Variants in MCPH1 observed in about 807,000 individuals in gnomAD.
MCPH1 encodes the protein microcephalin.
Under a neutral mutation model 84.5 loss-of-function variants are expected in MCPH1, and 104 were observed. The observed-to-expected ratio is 1.23, with a 90% CI of 1.05 to 1.45. MCPH1 has a LOEUF of 1.45. MCPH1 is among the 40% of genes most tolerant of loss of function. MCPH1 has a pLI of 0.00. For missense variants in MCPH1, 1,498 were observed against 1,005.7 expected, an observed-to-expected ratio of 1.49 and a Z score of -6.62; for synonymous variants, 514 against 366.8, an observed-to-expected ratio of 1.40 and a Z score of -4.58.
intron 12 of MCPH1, among the ~76,000 whole-genome samples, chr8:6,598,764 G>C: frequency 6.6e-6 from 1 of 152,248 alleles, no homozygotes; most frequent in Non-Finnish European, 1.5e-5. Context: ...GGACTAAGAA[G>C]AGCCCCCTGC....
At position 6,452,348 on chromosome 8, in the gene MCPH1, CAA is replaced by C. The variant is rs200476313; in HGVS notation, c.1826-2793_1826-2792del. 1.2e-3 allele frequency among the ~76,000 whole-genome samples: 182 copies of C among 152,242 alleles called. 3 individuals carry two copies. The East Asian group carries it at 0.029, about 24-fold the overall frequency. On this transcript the variant is annotated intron_variant, in intron 8 of 13. Transcript: ENST00000344683. ...TTGCATTTTGATGGTATTATTAATC[CAA>C]ACTAATTTCCAAATGGTGAAATTTC...
chr8:6,593,786 G>T (rs1039863884), intron 12 of MCPH1, among the ~76,000 whole-genome samples: 1 of 152,170 alleles, frequency 6.6e-6, no homozygotes, highest in Admixed American at 6.5e-5. Flanking sequence ...TTGTCGCATA[G>T]GACTTCTCAA....
chr8:6,593,245 G>A (rs532909297), intron 12 of MCPH1, among the ~76,000 whole-genome samples: 12 of 151,128 alleles, frequency 7.9e-5, no homozygotes, highest in African/African-American at 2.7e-4. Context: ...TACCATGCCC[G>A]GCTAATTTTG....
intron 8 of MCPH1, among the ~76,000 whole-genome samples, chr8:6,450,517 A>AGAT (rs1472046183): frequency 6.7e-6 from 1 of 149,006 alleles, no homozygotes; most frequent in Non-Finnish European, 1.5e-5. Context: ...AACTCATACT[A>AGAT]GATGGTTATG....
intron 12 of MCPH1, among the ~76,000 whole-genome samples, chr8:6,585,696 C>G (rs755893335): frequency 1.3e-5 from 2 of 152,160 alleles, no homozygotes; most frequent in Non-Finnish European, 2.9e-5. Context: ...TCCATATGGC[C>G]CATAGGAAGA....
intron 12 of MCPH1, among the ~76,000 whole-genome samples, chr8:6,599,047 C>A (rs1284034121): frequency 6.6e-6 from 1 of 152,174 alleles, no homozygotes; most frequent in Non-Finnish European, 1.5e-5. Flanking sequence ...AGCGCGAATA[C>A]GGGGCTCTTA....
At chr8:6,530,477 C>G (rs1442635594) in intron 12 of MCPH1, among the ~76,000 whole-genome samples, 3 of 146,582 alleles carry the variant, frequency 2.0e-5, no homozygotes, top group African/African-American at 7.6e-5. Flanking sequence ...CCACTGCACT[C>G]CAACCTGGGC....
intron 9 of MCPH1, among the ~76,000 whole-genome samples, chr8:6,472,311 T>C (rs1036012243): frequency 1.3e-5 from 2 of 152,228 alleles, no homozygotes; most frequent in African/African-American, 4.8e-5. Context: ...GGGCTGGCTA[T>C]CTTTTTTGAT....
intron 12 of MCPH1, among the ~76,000 whole-genome samples, chr8:6,577,482 A>G (rs776623261): frequency 2.6e-5 from 4 of 152,250 alleles, no homozygotes; most frequent in Admixed American, 6.5e-5. Context: ...TGGAACTTCC[A>G]TAATTATTGT....
intron 9 of MCPH1, 116 bp from the exon 10 acceptor site, chr8:6,477,478 A>G (rs1421837220): frequency 1.8e-5 from 16 of 913,684 alleles, no homozygotes; most frequent in Non-Finnish European, 2.6e-5. Context: ...ATATGCTTAA[A>G]TGTTTATTTT....
Position 6,634,346 on chromosome 8 carries a change from A to C in MCPH1, c.2453-8648A>C, listed in dbSNP as rs78286869. On this transcript the variant is annotated intron_variant, in intron 13 of 13. Transcript: ENST00000344683. ...TCGAAACTCATTGACGAGTTTGCCA[A>C]GATTATCGCTAATGAAAATCTGATG... Among the ~76,000 whole-genome samples, 1,211 of 152,354 alleles carry C rather than the reference A, an allele frequency of 7.9e-3. 13 individuals are homozygous for C. Among genetic ancestry groups the C allele is most frequent in the African/African-American group, 0.027 (1,140 of 41,576 alleles).
At chr8:6,495,678 C>G (rs1352898628) in intron 11 of MCPH1, among the ~76,000 whole-genome samples, 1 of 152,120 alleles carries the variant, frequency 6.6e-6, no homozygotes, top group Non-Finnish European at 1.5e-5. Context: ...CCATAAACAC[C>G]TACAACCACA....
Position 6,542,790 on chromosome 8 carries a change from G to A in MCPH1, c.2214+42861G>A, listed in dbSNP as rs188430444. On this transcript the variant is annotated intron_variant, in intron 12 of 13. Coordinates refer to ENST00000344683, the MANE Select transcript of MCPH1 (RefSeq NM_024596.5). ...AGGAGGTAGCATGATCATCTCTGAA[G>A]TGGGCAGTTTTTTTCTTTTTCCAAT... 2.0e-5 allele frequency among the ~76,000 whole-genome samples: 3 copies of A among 152,296 alleles called. No individual in the cohort carries two copies. The East Asian group carries it at 5.8e-4, about 29-fold the overall frequency.
chr8:6,490,169 C>T (rs1479857417), intron 11 of MCPH1, among the ~76,000 whole-genome samples: 1 of 152,162 alleles, frequency 6.6e-6, no homozygotes, highest in Non-Finnish European at 1.5e-5. Flanking sequence ...CCTCAAGGTG[C>T]ACTTTAACCT....
rs58486084 is a variant in MCPH1, at chr8:6,576,682, A to ATTTTTTTTTTTT, written c.2215-44738_2215-44727dup. Among the ~76,000 whole-genome samples the ATTTTTTTTTTTT allele has an allele frequency of 7.1e-5, 3 of 42,348 alleles. 1 individual carries two copies. Among genetic ancestry groups the ATTTTTTTTTTTT allele is most frequent in the Non-Finnish European group, 1.6e-4 (3 of 18,966 alleles). 27.8% of individuals were successfully genotyped at this position (42,348 alleles called of 152,430 possible). On this transcript the variant is annotated intron_variant, in intron 12 of 13. Transcript: ENST00000344683. ...GCCACCACGCTCTGCTAATTTTTGT[A>ATTTTTTTTTTTT]TTTTTTTTTTTTTTTTTTTTTTTTT...
In MCPH1 at chr8:6,491,066, A is replaced by T. The variant is rs201534297; in HGVS notation, c.2137-8786A>T. ...TAAAAAATAAAATTTATCAAAAAAA[A>T]TTTTTTTTTTACTTTTGAAGCATTG... On this transcript the variant is annotated intron_variant, in intron 11 of 13. Coordinates refer to ENST00000344683, the MANE Select transcript of MCPH1 (RefSeq NM_024596.5). Among the ~76,000 whole-genome samples, 140 of 105,400 alleles carry T rather than the reference A, an allele frequency of 1.3e-3. 1 individual carries two copies. The East Asian group carries it at 0.013, about 10-fold the overall frequency. 69.1% of individuals were successfully genotyped at this position (105,400 alleles called of 152,430 possible). A position where few individuals can be genotyped will look rare whatever the true frequency, so the allele number is the denominator to read the frequency against.
At chr8:6,494,283 A>G (rs935237004) in intron 11 of MCPH1, 1 of 152,204 alleles carries the variant, frequency 6.6e-6, no homozygotes, top group Non-Finnish European at 1.5e-5. Context: ...TCCTCAATTC[A>G]TAGCCCACAT....
chr8:6,527,017 A>G (rs902230967), intron 12 of MCPH1, among the ~76,000 whole-genome samples: 2 of 152,248 alleles, frequency 1.3e-5, no homozygotes. Flanking sequence ...GCATTGGCTT[A>G]CAGTATAAGT....
chr8:6,614,481 C>T (rs1414688464), intron 12 of MCPH1, among the ~76,000 whole-genome samples: 8 of 152,242 alleles, frequency 5.3e-5, no homozygotes, highest in Non-Finnish European at 1.5e-5. Context: ...CTCGCCCCCT[C>T]TTGTCCCTCC....
Sources: allele counts gnomAD v4.1 joint callset (sites outside exome capture counted in the v4.1 genomes callset), GRCh38; gene constraint gnomAD v4.1.1; transcripts MANE v1.5; gene names NCBI Gene and HGNC (gene_info 2026-07-23, HGNC 2026-07-21).